The following RIN2 variants were observed in gnomAD, a reference collection of about 807,000 sequenced individuals.
The protein encoded by RIN2 is Ras and Rab interactor 2, also known as RAB5 interacting protein 2.
A neutral mutation model predicts 78.0 loss-of-function variants in RIN2; 36 were observed. That is an observed-to-expected ratio of 0.46 (90% CI 0.35 to 0.61). The LOEUF (loss-of-function observed/expected upper bound fraction) is 0.61. Ranked by LOEUF, RIN2 falls within the 20% of genes least tolerant of loss-of-function variation. The pLI is 0.00. For synonymous variants in RIN2, 466 were observed against 466.8 expected (o/e 1.00, Z 0.02); for missense variants, 1,087 against 1,159.7 (o/e 0.94, Z 0.91).
chr20:19,759,401 T>C (rs2033535748), intron 1 of RIN2, among the ~76,000 whole-genome samples: 1 of 152,098 alleles, frequency 6.6e-6, no homozygotes, highest in African/African-American at 2.4e-5. Flanking sequence ...AAAGAAACAC[T>C]TGCTGGGAGT....
At chr20:19,909,066 G>A (rs1363037754) in intron 3 of RIN2, among the ~76,000 whole-genome samples, 1 of 152,106 alleles carries the variant, frequency 6.6e-6, no homozygotes, top group Non-Finnish European at 1.5e-5. Flanking sequence ...GTTTTGCCAT[G>A]TTGGCCAGGC....
At chr20:19,789,879 C>T (rs2034835580) in intron 1 of RIN2, among the ~76,000 whole-genome samples, 1 of 152,220 alleles carries the variant, frequency 6.6e-6, no homozygotes. Context: ...TGGTTCTCCT[C>T]TTATCTGTCA....
chr20:19,805,785 G>C (rs1276980377), intron 2 of RIN2, among the ~76,000 whole-genome samples: 3 of 151,924 alleles, frequency 2.0e-5, no homozygotes, highest in Non-Finnish European at 4.4e-5. Context: ...TTGTTACATA[G>C]GTATACATGT....
chr20:19,951,751 A>G (rs6112679), intron 4 of RIN2, among the ~76,000 whole-genome samples: 13,958 of 152,258 alleles, frequency 0.092, 846 homozygotes, highest in East Asian at 0.31. Context: ...GACCTGAGCA[A>G]GGTCTCACAT....
intron 1 of RIN2, among the ~76,000 whole-genome samples, chr20:19,783,352 G>A (rs749500737): frequency 2.0e-5 from 3 of 152,198 alleles, no homozygotes; most frequent in Non-Finnish European, 4.4e-5. Flanking sequence ...GCCCCTTTGA[G>A]TCTCAGCCAT....
At chr20:19,883,388 G>A (rs1238840828) in intron 2 of RIN2, among the ~76,000 whole-genome samples, 2 of 150,006 alleles carry the variant, frequency 1.3e-5, no homozygotes, top group Non-Finnish European at 3.0e-5. Context: ...TACCCAGGCT[G>A]GAGTGCAGCG....
intron 1 of RIN2, among the ~76,000 whole-genome samples, chr20:19,770,784 T>C (rs1339354436): frequency 6.6e-6 from 1 of 152,100 alleles, no homozygotes; most frequent in African/African-American, 2.4e-5. Context: ...TGTGGGGTTT[T>C]TCCCCACACA....
At chr20:19,817,827 G>A (rs946876450) in intron 2 of RIN2, among the ~76,000 whole-genome samples, 3 of 152,198 alleles carry the variant, frequency 2.0e-5, no homozygotes, top group African/African-American at 7.2e-5. Context: ...TAGAGCCTGA[G>A]CACTCCATCA....
intron 4 of RIN2, among the ~76,000 whole-genome samples, chr20:19,940,186 G>T (rs971570459): frequency 2.6e-5 from 4 of 152,118 alleles, no homozygotes; most frequent in Non-Finnish European, 4.4e-5. Context: ...CCACTAGAAG[G>T]TAAGCTCTGT....
rs569672937 is a variant in RIN2, at chr20:19,799,732, A to T, written c.-52A>T. On this transcript the variant is annotated 5_prime_UTR_variant, in exon 2 of 13. It removes an upstream start codon present in the reference 5' UTR. Transcript: ENST00000255006. ...GAACTGCAGTGGGAGAGGAGAAGAG[A>T]TGCTGGCGTGAAGGGGTACGTAGCA... 1.6e-4 allele frequency: 25 copies of T among 152,204 alleles called. No individual in the cohort carries two copies. Among genetic ancestry groups the T allele is most frequent in the Admixed American group, 9.8e-4 (15 of 15,264 alleles). The allele number at this position is 152,204 out of a possible 1,614,324, so 9.4% of individuals were successfully genotyped here.
intron 7 of RIN2, among the ~76,000 whole-genome samples, chr20:19,969,917 C>CCTA (rs754395319): frequency 1.2e-4 from 19 of 152,214 alleles, no homozygotes; most frequent in Non-Finnish European, 2.9e-5. Context: ...AGAGCATGGT[C>CCTA]CTAACCTTTG....
At chr20:19,869,615 A>G (rs1225123278) in intron 2 of RIN2, among the ~76,000 whole-genome samples, 1 of 144,390 alleles carries the variant, frequency 6.9e-6, no homozygotes, top group African/African-American at 2.5e-5. Context: ...TTAAGCTTTT[A>G]TTTTGTTCTT....
At chr20:19,921,632 C>T (rs1201040941) in intron 3 of RIN2, among the ~76,000 whole-genome samples, 1 of 152,166 alleles carries the variant, frequency 6.6e-6, no homozygotes, top group Non-Finnish European at 1.5e-5. Context: ...CAGGAAGAAC[C>T]CACCGAGCGG....
chr20:20,001,074 A>C lies in RIN2; in HGVS notation c.*138A>C. ...GTAGTGACTAAGCCATCCACAGGCC[A>C]ACTCGGCCAAGGGCAACTTTAGCCA... On this transcript the variant is annotated 3_prime_UTR_variant, in exon 13 of 13. Coordinates refer to ENST00000255006, the MANE Select transcript of RIN2 (RefSeq NM_018993.4). The C allele has an allele frequency of 2.6e-6, 2 of 776,042 alleles. No individual in the cohort carries two copies. The highest frequency in any genetic ancestry group is 4.1e-5 in the South Asian group (2 of 48,570). 48.1% of individuals were successfully genotyped at this position (776,042 alleles called of 1,614,324 possible).
intron 7 of RIN2, among the ~76,000 whole-genome samples, chr20:19,966,381 G>T (rs1054910531): frequency 1.3e-5 from 2 of 151,046 alleles, no homozygotes; most frequent in Non-Finnish European, 2.9e-5. Context: ...GGGGTGCAAT[G>T]GCGTGATCTC....
At chr20:19,758,557 G>A (rs939258636) in intron 1 of RIN2, among the ~76,000 whole-genome samples, 9 of 152,204 alleles carry the variant, frequency 5.9e-5, no homozygotes, top group African/African-American at 2.2e-4. Context: ...GGGGCAGAGT[G>A]ACATTCCGGA....
chr20:19,956,483 G>A, intron 4 of RIN2, 132 bp from the exon 5 acceptor site: 2 of 732,850 alleles, frequency 2.7e-6, no homozygotes, highest in Non-Finnish European at 4.6e-6. Context: ...TGGAAGAGAA[G>A]ATGATTAAGG....
chr20:19,880,757 T>C (rs960152940), intron 2 of RIN2, among the ~76,000 whole-genome samples: 2 of 152,200 alleles, frequency 1.3e-5, no homozygotes, highest in African/African-American at 4.8e-5. Flanking sequence ...AAACATTTAC[T>C]GAGCACATAC....
At chr20:19,807,136 G>A (rs1057271077) in intron 2 of RIN2, among the ~76,000 whole-genome samples, 1 of 152,208 alleles carries the variant, frequency 6.6e-6, no homozygotes, top group African/African-American at 2.4e-5. Flanking sequence ...ATAAGTGGAA[G>A]CCCAAGAAAC....
Sources: allele counts gnomAD v4.1 joint callset (sites outside exome capture counted in the v4.1 genomes callset), GRCh38; gene constraint gnomAD v4.1.1; transcripts MANE v1.5; gene names NCBI Gene and HGNC (gene_info 2026-07-23, HGNC 2026-07-21).